AGTPBP1: variants seen among roughly 807,000 people sequenced by gnomAD.
AGTPBP1 encodes the protein ATP/GTP binding carboxypeptidase 1.
In AGTPBP1, 70 loss-of-function variants were observed where a neutral mutation model predicts 143.9. That is an observed-to-expected ratio of 0.49 (90% CI 0.40 to 0.59). The LOEUF is 0.59. Ranked by LOEUF, AGTPBP1 falls within the 20% of genes least tolerant of loss-of-function variation. The probability of loss-of-function intolerance (pLI) is 0.00; values close to 1 mark genes in which losing one functional copy is unlikely to be tolerated. For synonymous variants in AGTPBP1, 463 were observed against 500.2 expected, an observed-to-expected ratio of 0.93 and a Z score of 0.99; for missense variants, 1,229 against 1,464.5, an observed-to-expected ratio of 0.84 and a Z score of 2.62.
chr9:85,669,586 G>C lies in AGTPBP1; in HGVS notation c.569-8C>G, dbSNP rs752896416. Reference sequence around the variant, plus strand: ...AGGATACTGAATTCACAGCTGAGAGGGGGAGAAAGAGATGCAAAATTATTT... The same window carrying C: ...AGGATACTGAATTCACAGCTGAGAGCGGGAGAAAGAGATGCAAAATTATTT... On this transcript the variant is annotated splice_polypyrimidine_tract_variant and splice_region_variant and intron_variant, in intron 7 of 25. Coordinates refer to ENST00000357081, the MANE Select transcript of AGTPBP1 (RefSeq NM_001330701.2). The C allele has an allele frequency of 1.9e-6, 3 of 1,595,894 alleles. No homozygotes were observed. The African/African-American group carries it at 4.0e-5, about 21-fold the overall frequency.
rs767537303 is a variant in AGTPBP1 at position 85,633,295 on chromosome 9, G to C, written c.1382C>G (p.Ala461Gly). 2.5e-5 allele frequency: 40 copies of C among 1,613,708 alleles called. No homozygotes were observed. The African/African-American group carries it at 3.7e-4, about 15-fold the overall frequency. Reference sequence around the variant, plus strand: ...AGAATTCCCAGATGTTTCCTCGCCTGCCGTAGGAACAACAATAGGACCACG... The same window carrying C: ...AGAATTCCCAGATGTTTCCTCGCCTCCCGTAGGAACAACAATAGGACCACG... The part of the protein sequence containing the change: ...KVRGPIVVPT[A>G]GEETSGNSGN... Residue 461 changes from alanine to glycine, a missense_variant, in exon 14 of 26, where the codon GCA (alanine) becomes GGA (glycine). By Grantham distance (60) the Ala-to-Gly change is moderately conservative. This residue lies in a region of AGTPBP1 where 743 missense variants were observed against 812.2 expected (regional missense o/e 0.91). Coordinates refer to ENST00000357081, the MANE Select transcript of AGTPBP1 (RefSeq NM_001330701.2).
In AGTPBP1 at chr9:85,698,679, C is replaced by CTTTTT. The variant is rs34248388; in HGVS notation, c.33-5871_33-5867dup. On this transcript the variant is annotated intron_variant, in intron 2 of 25. Transcript: ENST00000357081. ...GGAAATGTATCTTCCCCACCTAACC[C>CTTTTT]TTTTTTTTTTTTTTTTTTTTTTTTT... Among the ~76,000 whole-genome samples, 366 of 76,586 alleles carry CTTTTT rather than the reference C, an allele frequency of 4.8e-3. 25 individuals carry two copies. The highest frequency in any genetic ancestry group is 0.011 in the African/African-American group (192 of 17,400). The allele number at this position is 76,586 out of a possible 152,430, so 50.2% of individuals were successfully genotyped here.
chr9:85,677,574 G>T lies in AGTPBP1; in HGVS notation c.298C>A (p.Arg100=). Residue 100 remains arginine (R), a synonymous_variant, in exon 6 of 26, where the codon CGA becomes AGA. Coordinates refer to ENST00000357081, the MANE Select transcript of AGTPBP1 (RefSeq NM_001330701.2). ...LVELVSAGGG[R]RVSFLVTKGG... ...TTGGTGACTAAGAAACTCACTCTTC[G>T]ACCTCCACCTAAAAATTAAAAAAAA... 1.3e-6 allele frequency: 2 copies of T among 1,509,076 alleles called. No homozygotes were observed. The highest frequency in any genetic ancestry group is 1.8e-6 in the Non-Finnish European group (2 of 1,136,668). 93.5% of individuals were successfully genotyped at this position (1,509,076 alleles called of 1,614,324 possible). A position where few individuals can be genotyped will look rare whatever the true frequency, so the allele number is the denominator to read the frequency against.
At chr9:85,669,173 C>T (rs1346866549) in intron 8 of AGTPBP1, among the ~76,000 whole-genome samples, 1 of 151,610 alleles carries the variant, frequency 6.6e-6, no homozygotes, top group Non-Finnish European at 1.5e-5. Context: ...ATAGTAGGCA[C>T]TCAATAAATG....
the AGTPBP1 span, chr9:85,781,195 T>C: frequency 2.0e-6 from 3 of 1,470,898 alleles, no homozygotes; most frequent in Admixed American, 5.1e-5. Context: ...AAATTTTTGT[T>C]GTATAGAACA....
chr9:85,584,514 T>G (rs1262001266), intron 23 of AGTPBP1, among the ~76,000 whole-genome samples: 1 of 152,230 alleles, frequency 6.6e-6, no homozygotes, highest in African/African-American at 2.4e-5. Flanking sequence ...TTGCTGATAG[T>G]TAGAATGGGG....
intron 8 of AGTPBP1, among the ~76,000 whole-genome samples, chr9:85,664,409 C>T (rs10481764): frequency 0.02 from 3,090 of 152,182 alleles, 97 homozygotes; most frequent in African/African-American, 0.064. Context: ...GAACTAATAT[C>T]ACAAATGAAA....
At chr9:85,701,987 C>T (rs1041317484) in intron 2 of AGTPBP1, among the ~76,000 whole-genome samples, 1 of 152,186 alleles carries the variant, frequency 6.6e-6, no homozygotes, top group Non-Finnish European at 1.5e-5. Flanking sequence ...CAGCCTGATT[C>T]TTTTTGCCCC....
At chr9:85,784,339 G>A in the AGTPBP1 span, among the ~76,000 whole-genome samples, 5 of 152,196 alleles carry the variant, frequency 3.3e-5, no homozygotes, top group Non-Finnish European at 1.5e-5. Flanking sequence ...CCTCAGCAAT[G>A]AGCCTCTTTT....
intron 14 of AGTPBP1, among the ~76,000 whole-genome samples, chr9:85,628,534 A>G (rs570097244): frequency 3.9e-5 from 6 of 152,336 alleles, no homozygotes; most frequent in Admixed American, 3.9e-4. Context: ...ACACATCTCC[A>G]TCAAGGTCGT....
intron 1 of AGTPBP1, among the ~76,000 whole-genome samples, chr9:85,726,466 T>C (rs575091627): frequency 6.6e-6 from 1 of 152,332 alleles, no homozygotes; most frequent in African/African-American, 2.4e-5. Context: ...TGTGGTAATT[T>C]CTGAGGATGA....
chr9:85,568,973 A>T (rs1827282950), intron 25 of AGTPBP1, among the ~76,000 whole-genome samples: 1 of 152,190 alleles, frequency 6.6e-6, no homozygotes, highest in Non-Finnish European at 1.5e-5. Flanking sequence ...GATTGTAAGT[A>T]TTTTGGAGTT....
intron 8 of AGTPBP1, among the ~76,000 whole-genome samples, chr9:85,668,997 G>C (rs1206111929): frequency 1.2e-5 from 1 of 84,860 alleles, no homozygotes; most frequent in South Asian, 3.3e-4. Flanking sequence ...GTGTGTGTGT[G>C]TGTGTGTGTG....
intron 2 of AGTPBP1, among the ~76,000 whole-genome samples, chr9:85,708,618 AC>A (rs1245533061): frequency 2.6e-5 from 4 of 152,262 alleles, no homozygotes; most frequent in African/African-American, 9.6e-5. Context: ...GCTCACTGCA[AC>A]CTCTGTCACC....
At chr9:85,580,066 T>G (rs562218142) in intron 23 of AGTPBP1, among the ~76,000 whole-genome samples, 1 of 151,642 alleles carries the variant, frequency 6.6e-6, no homozygotes, top group African/African-American at 2.4e-5. Context: ...TGAAACACCG[T>G]CTTTACTAAA....
chr9:85,634,111 T>C (rs1271013350), intron 13 of AGTPBP1, among the ~76,000 whole-genome samples: 4 of 150,078 alleles, frequency 2.7e-5, no homozygotes, highest in Non-Finnish European at 1.5e-5. Flanking sequence ...TGAGAATCAC[T>C]TGAACCCAGG....
the AGTPBP1 span, among the ~76,000 whole-genome samples, chr9:85,751,794 A>G: frequency 1.3e-5 from 2 of 151,708 alleles, no homozygotes; most frequent in Non-Finnish European, 2.9e-5. Flanking sequence ...TTTAGTAGAG[A>G]CGGGGTTTCC....
intron 21 of AGTPBP1, among the ~76,000 whole-genome samples, chr9:85,587,432 CTT>C (rs1828685313): frequency 6.6e-6 from 1 of 151,970 alleles, no homozygotes; most frequent in African/African-American, 2.4e-5. Context: ...CATCAAATAC[CTT>C]TTTGTTTATT....
chr9:85,647,601 G>T (rs1287029552), intron 11 of AGTPBP1, among the ~76,000 whole-genome samples: 1 of 152,154 alleles, frequency 6.6e-6, no homozygotes, highest in Non-Finnish European at 1.5e-5. Context: ...AAATGCTATG[G>T]GAAAACGAGA....
Sources: allele counts gnomAD v4.1 joint callset (sites outside exome capture counted in the v4.1 genomes callset), GRCh38; gene constraint gnomAD v4.1.1; regional missense constraint gnomAD v4.1.1; transcripts MANE v1.5; gene names NCBI Gene and HGNC (gene_info 2026-07-23, HGNC 2026-07-21).